PRH1: variants seen among roughly 807,000 people sequenced by gnomAD.
PRH1 encodes salivary acidic proline-rich phosphoprotein 1/2.
Under a neutral mutation model 7.9 loss-of-function variants are expected in PRH1, and 7 were observed. That is an observed-to-expected ratio of 0.89 (90% CI 0.50 to 1.67). The LOEUF (loss-of-function observed/expected upper bound fraction) is 1.67. PRH1 is among the 40% of genes most tolerant of loss of function. The pLI, the probability that PRH1 is intolerant of heterozygous loss-of-function variation, is 0.00. For synonymous variants in PRH1, 45 were observed against 80.8 expected (o/e 0.56, Z 2.38); for missense variants, 109 against 223.6 (o/e 0.49, Z 3.27).
intron 1 of PRH1, among the ~76,000 whole-genome samples, chr12:11,160,149 TAG>T (rs982048940): frequency 2.6e-5 from 4 of 152,232 alleles, no homozygotes; most frequent in Admixed American, 1.3e-4. Flanking sequence ...AAATTTTGAA[TAG>T]AAATTGTTAG....
chr12:11,047,827 A>T (rs1234923724), upstream of PRH1, among the ~76,000 whole-genome samples: 4 of 152,222 alleles, frequency 2.6e-5, no homozygotes. Flanking sequence ...ATTCATAATG[A>T]AATAAAACCT....
chr12:11,099,421 C>A (rs997953633), intron 1 of PRH1, among the ~76,000 whole-genome samples: 4 of 152,096 alleles, frequency 2.6e-5, no homozygotes, highest in African/African-American at 4.8e-5. Flanking sequence ...ATCCATCAAA[C>A]CCAGCTTAGA....
At chr12:11,144,214 G>A (rs148684640) in intron 1 of PRH1, among the ~76,000 whole-genome samples, 5,380 of 150,178 alleles carry the variant, frequency 0.036, 310 homozygotes, top group African/African-American at 0.12. Context: ...TCAGGTGGGG[G>A]CAGGGCTAGG....
intron 1 of PRH1, among the ~76,000 whole-genome samples, chr12:11,026,844 T>C (rs1941940852): frequency 6.6e-6 from 1 of 152,248 alleles, no homozygotes; most frequent in East Asian, 1.9e-4. Context: ...CTACACCCAT[T>C]ATGAGGAAAA....
chr12:10,981,257 C>G (rs1376074098), intron 1 of PRH1, among the ~76,000 whole-genome samples: 2 of 152,078 alleles, frequency 1.3e-5, no homozygotes, highest in Non-Finnish European at 2.9e-5. Context: ...GAACACACGT[C>G]CATATTATCT....
chr12:10,962,833 G>T (rs11054085), intron 2 of PRH1, among the ~76,000 whole-genome samples: 5 of 151,948 alleles, frequency 3.3e-5, no homozygotes, highest in Admixed American at 6.5e-5. Flanking sequence ...GCAGTGGCGC[G>T]ATCTCGGCTC....
intron 2 of PRH1, among the ~76,000 whole-genome samples, chr12:10,899,420 G>C (rs779477551): frequency 6.6e-6 from 1 of 152,190 alleles, no homozygotes; most frequent in Non-Finnish European, 1.5e-5. Context: ...GTTGAGCTTA[G>C]TGAGAAGTGT....
At chr12:11,018,779 G>C (rs959452476) in intron 1 of PRH1, among the ~76,000 whole-genome samples, 7 of 152,238 alleles carry the variant, frequency 4.6e-5, no homozygotes, top group African/African-American at 1.7e-4. Context: ...TGGATGTGAG[G>C]TCTAAGGGGA....
chr12:11,019,722 C>A (rs976944831), intron 1 of PRH1, among the ~76,000 whole-genome samples: 2 of 152,276 alleles, frequency 1.3e-5, no homozygotes, highest in African/African-American at 4.8e-5. Flanking sequence ...GCAAAGTTTG[C>A]TAGCTTTTAT....
chr12:10,908,995 T>C lies in PRH1; in HGVS notation c.-58-24720A>G, dbSNP rs1025088657. The stretch of plus-strand genomic sequence containing the variant: ...TTGAGCAAATAAAAGATGCTGAAGA[T>C]TGTAGCAAGCCAGAGATTGAAGTGA... On this transcript the variant is annotated intron_variant, in intron 2 of 3. Transcript: ENST00000539853. The C allele has an allele frequency of 3.1e-6, 5 of 1,613,646 alleles. No individual in the cohort carries two copies. In the African/African-American group the frequency reaches 6.7e-5, roughly 22 times the overall value.
At chr12:11,169,024 G>A (rs1003753871) in intron 1 of PRH1, among the ~76,000 whole-genome samples, 1 of 152,212 alleles carries the variant, frequency 6.6e-6, no homozygotes, top group Admixed American at 6.5e-5. Flanking sequence ...TAATGGTGTG[G>A]TGTGAACATA....
chr12:11,059,157 T>A (rs964289942), intron 1 of PRH1, among the ~76,000 whole-genome samples: 6 of 152,122 alleles, frequency 3.9e-5, no homozygotes, highest in Non-Finnish European at 7.4e-5. Context: ...ACATTCTCCA[T>A]TCTCCCTCCT....
At chr12:11,062,409 C>T (rs1198802901) in intron 1 of PRH1, 7 of 1,297,416 alleles carry the variant, frequency 5.4e-6, no homozygotes, top group Non-Finnish European at 7.2e-6. Flanking sequence ...TGTGCTGTGA[C>T]ATTCTTTTTA....
intron 2 of PRH1, among the ~76,000 whole-genome samples, chr12:10,964,066 T>C (rs1938383363): frequency 6.6e-6 from 1 of 152,200 alleles, no homozygotes; most frequent in Non-Finnish European, 1.5e-5. Flanking sequence ...TGTAAGTTCT[T>C]AACAATTATA....
chr12:11,042,572 C>A lies in PRH1; in HGVS notation c.-126+4448G>T, dbSNP rs555519031. Reference sequence around the variant, plus strand: ...ATTTAAAGAACTGATGCCAATCCTACTCAAACTCTTCTGAAAAAATAGAGA... The same window carrying A: ...ATTTAAAGAACTGATGCCAATCCTAATCAAACTCTTCTGAAAAAATAGAGA... On this transcript the variant is annotated intron_variant, in intron 1 of 3. Coordinates refer to the PRH1 transcript ENST00000539853. 5.6e-4 allele frequency among the ~76,000 whole-genome samples: 80 copies of A among 143,626 alleles called. No homozygotes were observed. In the South Asian group the frequency reaches 0.017, roughly 31 times the overall value. The allele number at this position is 143,626 out of a possible 152,430, so 94.2% of individuals were successfully genotyped here.
chr12:11,000,454 A>G (rs1424260230), intron 1 of PRH1, among the ~76,000 whole-genome samples: 2 of 152,146 alleles, frequency 1.3e-5, no homozygotes, highest in Non-Finnish European at 2.9e-5. Flanking sequence ...GTTGTCATTT[A>G]GAAAGTTGTT....
At chr12:10,998,409 T>C (rs975017367) in intron 1 of PRH1, among the ~76,000 whole-genome samples, 1 of 152,098 alleles carries the variant, frequency 6.6e-6, no homozygotes, top group Non-Finnish European at 1.5e-5. Context: ...ACACAGAATC[T>C]AAACTTTTTA....
At chr12:11,017,663 T>C (rs944806377) in intron 1 of PRH1, among the ~76,000 whole-genome samples, 30 of 151,040 alleles carry the variant, frequency 2.0e-4, no homozygotes, top group Admixed American at 2.0e-3. Flanking sequence ...TTTTTTTGTA[T>C]TTTTTTTTAA....
chr12:10,913,161 G>A (rs1404653971), intron 2 of PRH1, among the ~76,000 whole-genome samples: 1 of 152,146 alleles, frequency 6.6e-6, no homozygotes, highest in Non-Finnish European at 1.5e-5. Context: ...CTATTCTAAT[G>A]TCTTTTTCCT....
Sources: gnomAD v4.1 joint callset for allele counts (sites outside exome capture counted in the v4.1 genomes callset) on GRCh38, gnomAD v4.1.1 for gene constraint, MANE v1.5 for transcripts, NCBI Gene and HGNC (gene_info 2026-07-23, HGNC 2026-07-21) for gene names.